The following MON1A variants were observed in gnomAD, a reference collection of about 807,000 sequenced individuals.
The protein encoded by MON1A is vacuolar fusion protein MON1 homolog A.
In MON1A, 29 loss-of-function variants were observed where a neutral mutation model predicts 44.6. The ratio of observed to expected loss-of-function variants is 0.65; its 90% CI spans 0.48 to 0.89. The LOEUF (loss-of-function observed/expected upper bound fraction) is 0.89. Among genes scored for constraint, MON1A ranks in the 40% least tolerant of loss-of-function variants. The probability of loss-of-function intolerance (pLI) is 0.00; values close to 1 mark genes in which losing one functional copy is unlikely to be tolerated. For synonymous variants in MON1A, 275 were observed against 316.4 expected (o/e 0.87, Z 1.39); for missense variants, 615 against 759.6 (o/e 0.81, Z 2.24).
Position 49,910,771 on chromosome 3 carries a change from T to C in MON1A, c.727A>G (p.Ile243Val). ...TGCGCACCGGTAAGAAGGCTTAGGA[T>C]CTGGTAGTAGATGTAGAGCAGCTCC... Reference protein sequence around the residue: ...AQELLYIYYQILSLLTGAQLS... With the variant: ...AQELLYIYYQVLSLLTGAQLS... Residue 243 changes from isoleucine (I) to valine (V), a missense_variant, in exon 4 of 6, where the codon ATC becomes GTC. Coordinates refer to ENST00000296473, the MANE Select transcript of MON1A (RefSeq NM_032355.4). This position sits in a 1 kb window ranked among gnomAD's most constrained non-coding sequence, Gnocchi z 8.0. 1 of 1,614,074 alleles carries C rather than the reference T, an allele frequency of 6.2e-7. No homozygotes were observed. The highest frequency in any genetic ancestry group is 8.5e-7 in the Non-Finnish European group (1 of 1,180,006).
intron 1 of MON1A, chr3:49,929,276 A>C (rs1019620706): frequency 5.1e-6 from 2 of 395,092 alleles, no homozygotes; most frequent in African/African-American, 4.4e-5. Flanking sequence ...CGCTCATCCC[A>C]GTTACCTCTG....
Position 49,911,873 on chromosome 3 carries a change from T to A in MON1A, c.266A>T (p.Gln89Leu), listed in dbSNP as rs761139205. ...GPPPLPTDMR[Q>L]ISQDFSELST... ...TAGCTCGCTAAAGTCCTGGCTGATC[T>A]GGCGCATGTCTGTAGGCAGCGGCGG... The change falls in exon 3 of 6, where the codon CAG becomes CTG. Residue 89 changes from glutamine to leucine, a missense_variant. Gln to Leu is a moderately radical substitution (Grantham distance 113). Coordinates refer to ENST00000296473, the MANE Select transcript of MON1A (RefSeq NM_032355.4). The surrounding 1 kb of genome is among the most constrained non-coding windows in gnomAD (Gnocchi z 5.7). 6 of 1,614,150 alleles carry A rather than the reference T, an allele frequency of 3.7e-6. No individual in the cohort carries two copies. Among genetic ancestry groups the A allele is most frequent in the Non-Finnish European group, 5.1e-6 (6 of 1,180,012 alleles).
Position 49,909,025 on chromosome 3 carries a change from G to GGGGC in MON1A, c.1653_1656dup (p.Leu553AlafsTer?), listed in dbSNP as rs2082842795. 23 of 1,613,068 alleles carry GGGGC rather than the reference G, an allele frequency of 1.4e-5. No homozygotes were observed. The highest frequency in any genetic ancestry group is 2.0e-5 in the Non-Finnish European group (23 of 1,179,464). ...CGCACACATTCCCATCAATAGGTGA[G>GGGGC]GGGCGTGAGAATGAAGAGGCGGTCT... On this transcript the variant is annotated frameshift_variant, in exon 6 of 6. Transcript: ENST00000296473. LOFTEE classifies it high-confidence loss of function. The surrounding 1 kb of genome is among the most constrained non-coding windows in gnomAD (Gnocchi z 4.0).
rs2082846530 is a variant in MON1A, at chr3:49,909,252, C to T, written c.1527+1G>A. 1.9e-6 allele frequency: 3 copies of T among 1,613,840 alleles called. No individual in the cohort carries two copies. Among genetic ancestry groups the T allele is most frequent in the Admixed American group, 1.7e-5 (1 of 59,998 alleles). Reference sequence around the variant, plus strand: ...CCCAGCCCATCCCAGGGCTGCCTTACCCAGGCCAGGAGGTTCTCGTTGGGG... The same window carrying T: ...CCCAGCCCATCCCAGGGCTGCCTTATCCAGGCCAGGAGGTTCTCGTTGGGG... On this transcript the variant is annotated splice_donor_variant, in intron 5 of 5. Transcript: ENST00000296473. LOFTEE classifies it high-confidence loss of function. This position sits in a 1 kb window ranked among gnomAD's most constrained non-coding sequence, Gnocchi z 4.0.
chr3:49,928,951 C>T (rs2083072444), intron 1 of MON1A, among the ~76,000 whole-genome samples: 1 of 152,230 alleles, frequency 6.6e-6, no homozygotes, highest in Admixed American at 6.5e-5. Context: ...TGGCTCATGC[C>T]TGTAATCCCA....
In MON1A at chr3:49,910,996, C is replaced by A; in HGVS notation, c.614-112G>T. Reference sequence around the variant, plus strand: ...CATCCTTTCCTCGCTCAGAGCTCTGCGCACAGTAGGGGTTTAAGGATGTTC... The same window carrying A: ...CATCCTTTCCTCGCTCAGAGCTCTGAGCACAGTAGGGGTTTAAGGATGTTC... On this transcript the variant is annotated intron_variant, in intron 3 of 5. Coordinates refer to ENST00000296473, the MANE Select transcript of MON1A (RefSeq NM_032355.4). This position sits in a 1 kb window ranked among gnomAD's most constrained non-coding sequence, Gnocchi z 8.0. The A allele has an allele frequency of 2.8e-6, 3 of 1,053,394 alleles. No individual in the cohort carries two copies. The highest frequency in any genetic ancestry group is 4.1e-6 in the Non-Finnish European group (3 of 739,892). The allele number at this position is 1,053,394 out of a possible 1,614,324, so 65.3% of individuals were successfully genotyped here.
In MON1A at chr3:49,911,032, C is replaced by T; in HGVS notation, c.614-148G>A. 1.3e-6 allele frequency: 1 copy of T among 790,926 alleles called. No individual in the cohort carries two copies. Among genetic ancestry groups the T allele is most frequent in the Non-Finnish European group, 1.9e-6 (1 of 514,518 alleles). 49.0% of individuals were successfully genotyped at this position (790,926 alleles called of 1,614,324 possible). A position where few individuals can be genotyped will look rare whatever the true frequency, so the allele number is the denominator to read the frequency against. ...GGTTTAAGGATGTTCAGGATAAAAA[C>T]CCATTGCTCCTTCTCCCTGAGGGCT... On this transcript the variant is annotated intron_variant, in intron 3 of 5. Transcript: ENST00000296473. This position sits in a 1 kb window ranked among gnomAD's most constrained non-coding sequence, Gnocchi z 5.7.
At chr3:49,914,335 G>A (rs1033960606) in intron 1 of MON1A, among the ~76,000 whole-genome samples, 2 of 151,602 alleles carry the variant, frequency 1.3e-5, no homozygotes, top group Non-Finnish European at 1.5e-5. Context: ...CGCCTGCCTC[G>A]GCCTCCCAAA....
chr3:49,919,315 C>T (rs2082975821), intron 1 of MON1A, among the ~76,000 whole-genome samples: 1 of 152,176 alleles, frequency 6.6e-6, no homozygotes, highest in African/African-American at 2.4e-5. Context: ...CCCCTTAACT[C>T]TACATTCCCC....
intron 2 of MON1A, 127 bp downstream of exon 2, chr3:49,913,093 G>T: frequency 7.6e-7 from 1 of 1,322,352 alleles, no homozygotes. Context: ...CCCAGAACCT[G>T]ACAAATATCC....
At chr3:49,924,055 C>A (rs1275248410) in intron 1 of MON1A, 3 of 150,960 alleles carry the variant, frequency 2.0e-5, no homozygotes, top group African/African-American at 7.3e-5. Flanking sequence ...GTACTCCAGG[C>A]TGGGTGGCAG....
chr3:49,927,946 A>C (rs2083064404), intron 1 of MON1A, among the ~76,000 whole-genome samples: 1 of 151,884 alleles, frequency 6.6e-6, no homozygotes, highest in Non-Finnish European at 1.5e-5. Flanking sequence ...TTGGTCTGCC[A>C]CATGCCACTG....
In MON1A at chr3:49,911,888, G is replaced by A; in HGVS notation, c.251C>T (p.Pro84Leu). 6.2e-7 allele frequency: 1 copy of A among 1,614,100 alleles called. No homozygotes were observed. The highest frequency in any genetic ancestry group is 8.5e-7 in the Non-Finnish European group (1 of 1,180,012). Reference protein sequence around the residue: ...KEGTRGPPPLPTDMRQISQDF... With the variant: ...KEGTRGPPPLLTDMRQISQDF... The stretch of plus-strand genomic sequence containing the variant: ...CTGGCTGATCTGGCGCATGTCTGTA[G>A]GCAGCGGCGGGGGACCCCTGGTACC... Residue 84 changes from proline (P) to leucine (L), a missense_variant, in exon 3 of 6, where the codon CCT (proline) becomes CTT (leucine). Transcript: ENST00000296473. The surrounding 1 kb of genome is among the most constrained non-coding windows in gnomAD (Gnocchi z 5.7).
rs2082892435 is a variant in MON1A at position 49,911,995 on chromosome 3, A to C, written c.144T>G (p.Gly48=). The change falls in exon 3 of 6, where the codon GGT becomes GGG. Residue 48 remains glycine, a synonymous_variant. Transcript: ENST00000296473. This position sits in a 1 kb window ranked among gnomAD's most constrained non-coding sequence, Gnocchi z 5.7. The part of the protein sequence containing the change: ...QGMEPGAGQE[G]AMFVHARSYE... Reference sequence around the variant, plus strand: ...AGGAACGGGCATGGACGAACATGGCACCCTCCTGGCCCGCACCTGCAGGCC... The same window carrying C: ...AGGAACGGGCATGGACGAACATGGCCCCCTCCTGGCCCGCACCTGCAGGCC... The C allele has an allele frequency of 6.3e-7, 1 of 1,593,410 alleles. No individual in the cohort carries two copies. Among genetic ancestry groups the C allele is most frequent in the East Asian group, 2.2e-5 (1 of 44,682 alleles).
Position 49,911,449 on chromosome 3 carries a change from T to G in MON1A, c.613+77A>C, listed in dbSNP as rs955885207. 14 of 1,529,772 alleles carry G rather than the reference T, an allele frequency of 9.2e-6. No homozygotes were observed. The highest frequency in any genetic ancestry group is 1.1e-5 in the Non-Finnish European group (13 of 1,141,114). 94.8% of individuals were successfully genotyped at this position (1,529,772 alleles called of 1,614,324 possible). On this transcript the variant is annotated intron_variant, in intron 3 of 5. Coordinates refer to ENST00000296473, the MANE Select transcript of MON1A (RefSeq NM_032355.4). The surrounding 1 kb of genome is among the most constrained non-coding windows in gnomAD (Gnocchi z 5.7). ...CACACAGCACATCCCAGCCCTCTGG[T>G]CTGCAGGGGTCCAAAACCTGCTATG...
At chr3:49,923,411 G>A (rs998251301) in intron 1 of MON1A, among the ~76,000 whole-genome samples, 3 of 150,270 alleles carry the variant, frequency 2.0e-5, no homozygotes, top group South Asian at 2.1e-4. Context: ...GGAAGGAAAG[G>A]AAGAAAGGAA....
Position 49,910,013 on chromosome 3 carries a change from G to T in MON1A, c.1379+106C>A. 7.6e-7 allele frequency: 1 copy of T among 1,314,642 alleles called. No individual in the cohort carries two copies. Among genetic ancestry groups the T allele is most frequent in the Non-Finnish European group, 1.0e-6 (1 of 953,872 alleles). 81.4% of individuals were successfully genotyped at this position (1,314,642 alleles called of 1,614,324 possible). A position where few individuals can be genotyped will look rare whatever the true frequency, so the allele number is the denominator to read the frequency against. On this transcript the variant is annotated intron_variant, in intron 4 of 5. Coordinates refer to ENST00000296473, the MANE Select transcript of MON1A (RefSeq NM_032355.4). The surrounding 1 kb of genome is among the most constrained non-coding windows in gnomAD (Gnocchi z 8.0). Reference sequence around the variant, plus strand: ...CCCAGCACACTGGTCTGCTTCCAAAGGTAGGGACAGCTTCAGGGCTACATC... The same window carrying T: ...CCCAGCACACTGGTCTGCTTCCAAATGTAGGGACAGCTTCAGGGCTACATC...
chr3:49,929,723 G>T lies in MON1A; in HGVS notation c.-128C>A, dbSNP rs1287271161. The T allele has an allele frequency of 4.5e-6, 7 of 1,550,024 alleles. No homozygotes were observed. In the African/African-American group the frequency reaches 9.6e-5, roughly 21 times the overall value. ...CCGGCCTGAGGGCACAGCTTCGCGG[G>T]GCCCCGGCCCCCTGCGTACACAGAC... is the stretch of plus-strand genomic sequence containing the variant. On this transcript the variant is annotated 5_prime_UTR_variant, in exon 1 of 6. Transcript: ENST00000296473.
chr3:49,923,641 C>A (rs549850393), intron 1 of MON1A, among the ~76,000 whole-genome samples: 1 of 150,750 alleles, frequency 6.6e-6, no homozygotes, highest in Non-Finnish European at 1.5e-5. Flanking sequence ...TTAGTAGAGA[C>A]AGGGTTTCAC....
Sources: allele counts gnomAD v4.1 joint callset (sites outside exome capture counted in the v4.1 genomes callset), GRCh38; gene constraint gnomAD v4.1.1; non-coding constraint Gnocchi (gnomAD v3.1); transcripts MANE v1.5; gene names NCBI Gene and HGNC (gene_info 2026-07-23, HGNC 2026-07-21).